Variants in FAM228B observed in about 807,000 individuals in gnomAD.
FAM228B encodes the protein family with sequence similarity 228 member B.
A neutral mutation model predicts 42.6 loss-of-function variants in FAM228B; 38 were observed. The observed-to-expected ratio is 0.89, with a 90% CI of 0.69 to 1.17. The LOEUF (loss-of-function observed/expected upper bound fraction) is 1.17, where lower values mean the gene tolerates loss of function less well. Among genes scored for constraint, FAM228B ranks in the 50% most tolerant of loss-of-function variants. The pLI is 0.00. For missense variants in FAM228B, 344 were observed against 367.3 expected, an observed-to-expected ratio of 0.94 and a Z score of 0.52; for synonymous variants, 109 against 122.3, an observed-to-expected ratio of 0.89 and a Z score of 0.72.
chr2:24,084,203 C>T lies in FAM228B; in HGVS notation c.-210+3248C>T. The T allele has an allele frequency of 1.2e-6, 2 of 1,613,106 alleles. No individual in the cohort carries two copies. Among genetic ancestry groups the T allele is most frequent in the South Asian group, 1.1e-5 (1 of 91,012 alleles). ...GCCCTGGGTACCTGCATTAAGTCCG[C>T]CCGGTTCAGGGCGCTGGCCGCCACC... On this transcript the variant is annotated intron_variant, in intron 2 of 10. Coordinates refer to the FAM228B transcript ENST00000613899. This position sits in a 1 kb window ranked among gnomAD's most constrained non-coding sequence, Gnocchi z 8.4.
chr2:24,111,419 G>A (rs1665793792), intron 3 of FAM228B, among the ~76,000 whole-genome samples: 2 of 152,140 alleles, frequency 1.3e-5, no homozygotes, highest in African/African-American at 2.4e-5. Context: ...ATGTTCACAT[G>A]TTCAAGTCTT....
chr2:24,123,647 G>A (rs1357529547), intron 1 of FAM228B, 114 bp downstream of exon 1: 2 of 151,870 alleles, frequency 1.3e-5, no homozygotes, highest in Non-Finnish European at 2.9e-5. Flanking sequence ...ACGGCCGCGG[G>A]CCTGCTGGCC....
chr2:24,086,234 CAAAAAAAA>C (rs57641176), intron 2 of FAM228B, among the ~76,000 whole-genome samples: 2 of 63,944 alleles, frequency 3.1e-5, no homozygotes, highest in Admixed American at 1.7e-4. Context: ...GACTCCGTCT[CAAAAAAAA>C]AAAAAAAAAA....
chr2:24,083,166 A>T (rs778666817), intron 2 of FAM228B: 7 of 1,585,034 alleles, frequency 4.4e-6, no homozygotes, highest in Middle Eastern at 1.7e-4. Flanking sequence ...CAGAGAAAGA[A>T]GTGCACTAAG....
chr2:24,139,204 A>G (rs553996873), intron 4 of FAM228B, among the ~76,000 whole-genome samples, 166 bp from the exon 5 acceptor site: 5 of 152,304 alleles, frequency 3.3e-5, no homozygotes, highest in Non-Finnish European at 5.9e-5. Context: ...TGATTGCTTG[A>G]ATAAATTAAA....
intron 3 of FAM228B, chr2:24,096,810 G>C (rs1299986790): frequency 6.6e-6 from 1 of 152,126 alleles, no homozygotes; most frequent in Non-Finnish European, 1.5e-5. Flanking sequence ...CTTGAGAAGA[G>C]CAACCCCAAG....
intron 7 of FAM228B, among the ~76,000 whole-genome samples, chr2:24,160,704 T>G (rs906743312): frequency 6.6e-6 from 1 of 152,168 alleles, no homozygotes; most frequent in Non-Finnish European, 1.5e-5. Context: ...CTGTACTACA[T>G]TCTATGTTTT....
chr2:24,121,904 G>T (rs893143151), upstream of FAM228B, among the ~76,000 whole-genome samples: 5 of 152,162 alleles, frequency 3.3e-5, no homozygotes. Flanking sequence ...CCAGGCAGTA[G>T]AACTGTGAGC....
At chr2:24,156,661 G>T (rs1450773006) in intron 7 of FAM228B, among the ~76,000 whole-genome samples, 1 of 151,548 alleles carries the variant, frequency 6.6e-6, no homozygotes, top group African/African-American at 2.4e-5. Context: ...ATAATAATTT[G>T]CCCCTTCCTA....
rs536207351 is a variant in FAM228B, at chr2:24,162,520, C to T, written c.794+907C>T. Among the ~76,000 whole-genome samples the T allele has an allele frequency of 2.0e-5, 3 of 152,274 alleles. No individual in the cohort carries two copies. The East Asian group carries it at 5.8e-4, about 29-fold the overall frequency. On this transcript the variant is annotated intron_variant, in intron 8 of 10. Coordinates refer to ENST00000615575, the MANE Select transcript of FAM228B (RefSeq NM_001145710.2). ...ACTTTGGAAGGCAGCTTGGCAGTTTCTCAAGATGTTAAACATTAAATTATT... is the reference window on the plus strand; with the variant it reads ...ACTTTGGAAGGCAGCTTGGCAGTTTTTCAAGATGTTAAACATTAAATTATT...
chr2:24,138,353 G>A (rs565954041), intron 4 of FAM228B, among the ~76,000 whole-genome samples: 7 of 151,874 alleles, frequency 4.6e-5, no homozygotes, highest in Non-Finnish European at 7.4e-5. Context: ...ATTATTATTC[G>A]AGATGGAGTT....
intron 3 of FAM228B, among the ~76,000 whole-genome samples, chr2:24,102,904 ATTTT>A (rs1258357384): frequency 6.6e-6 from 1 of 152,196 alleles, no homozygotes; most frequent in South Asian, 2.1e-4. Flanking sequence ...AAAGTTTCTC[ATTTT>A]TTAATTCAAT....
chr2:24,138,047 A>T lies in FAM228B; in HGVS notation c.307A>T (p.Lys103Ter). The change falls in exon 4 of 11, where the codon AAA (lysine) becomes TAA (stop). Residue 103 changes from lysine to a stop codon, truncating the protein, a stop_gained. Coordinates refer to ENST00000615575, the MANE Select transcript of FAM228B (RefSeq NM_001145710.2). LOFTEE classifies it high-confidence loss of function. ...AAAAGTTTGCTCACATAAGAAGATT[A>T]AAAAAAGGAGGCAAGGGGAATTAGA... is the stretch of plus-strand genomic sequence containing the variant. ...IEKVCSHKKI[K>*]KRRQGELDGF... 4 of 1,541,992 alleles carry T rather than the reference A, an allele frequency of 2.6e-6. No homozygotes were observed. Among genetic ancestry groups the T allele is most frequent in the Non-Finnish European group, 1.7e-6 (2 of 1,144,216 alleles).
chr2:24,144,112 C>T (rs1036966199), intron 5 of FAM228B, among the ~76,000 whole-genome samples: 7 of 152,056 alleles, frequency 4.6e-5, no homozygotes, highest in Non-Finnish European at 1.0e-4. Flanking sequence ...GTCGATAAAA[C>T]TTTAGATTGT....
chr2:24,117,370 TTTTC>T (rs1665954181), intron 3 of FAM228B, among the ~76,000 whole-genome samples: 1 of 152,186 alleles, frequency 6.6e-6, no homozygotes, highest in Admixed American at 6.5e-5. Flanking sequence ...TATTTAAAGG[TTTTC>T]TTTAATTAAT....
chr2:24,086,632 C>T (rs966713842), intron 2 of FAM228B, among the ~76,000 whole-genome samples: 1 of 151,904 alleles, frequency 6.6e-6, no homozygotes, highest in Non-Finnish European at 1.5e-5. Context: ...TCCCAAAGTG[C>T]TAGGATTACA....
upstream of FAM228B, among the ~76,000 whole-genome samples, chr2:24,119,943 A>C (rs2151006507): frequency 6.6e-6 from 1 of 152,326 alleles, no homozygotes; most frequent in Non-Finnish European, 1.5e-5. Context: ...AAAGTTCTGC[A>C]ATTGATTATC....
chr2:24,147,219 T>G (rs778068064), intron 7 of FAM228B, 133 bp downstream of exon 7: 37 of 586,780 alleles, frequency 6.3e-5, no homozygotes, highest in Non-Finnish European at 9.4e-5. Context: ...AGTCTCACTC[T>G]GAAAATTTCA....
Position 24,169,314 on chromosome 2 carries a change from C to T in FAM228B, c.*15-42C>T, listed in dbSNP as rs1667513505. On this transcript the variant is annotated intron_variant, in intron 10 of 10. Transcript: ENST00000615575. The surrounding 1 kb of genome is among the most constrained non-coding windows in gnomAD (Gnocchi z 4.2). ...TTTCTGCTCTCGTAAGCCCCTCATC[C>T]CCATACCACACTCAACTCTTCCCTT... 2.2e-6 allele frequency: 1 copy of T among 459,544 alleles called. No individual in the cohort carries two copies. The highest frequency in any genetic ancestry group is 2.0e-5 in the African/African-American group (1 of 49,890). 28.5% of individuals were successfully genotyped at this position (459,544 alleles called of 1,614,324 possible). A position where few individuals can be genotyped will look rare whatever the true frequency, so the allele number is the denominator to read the frequency against.
Sources: allele counts gnomAD v4.1 joint callset (sites outside exome capture counted in the v4.1 genomes callset), GRCh38; gene constraint gnomAD v4.1.1; non-coding constraint Gnocchi (gnomAD v3.1); transcripts MANE v1.5; gene names NCBI Gene and HGNC (gene_info 2026-07-23, HGNC 2026-07-21).